The following PTPRG variants were observed in gnomAD, a reference collection of about 807,000 sequenced individuals.
The protein encoded by PTPRG is receptor-type tyrosine-protein phosphatase gamma.
PTPRG carries 102 observed loss-of-function variants against 165.3 expected under a neutral mutation model. That is an observed-to-expected ratio of 0.62 (90% confidence interval 0.53 to 0.73). The LOEUF (loss-of-function observed/expected upper bound fraction) is 0.73, where lower values mean the gene tolerates loss of function less well. Among genes scored for constraint, PTPRG ranks in the 30% least tolerant of loss-of-function variants. PTPRG has a pLI of 0.00. For synonymous variants in PTPRG, 675 were observed against 669.5 expected (o/e 1.01, Z -0.13); for missense variants, 1,866 against 1,861.4 (o/e 1.00, Z -0.05).
At chr3:61,865,699 C>A (rs1312750060) in intron 2 of PTPRG, among the ~76,000 whole-genome samples, 1 of 152,178 alleles carries the variant, frequency 6.6e-6, no homozygotes, top group Non-Finnish European at 1.5e-5. Flanking sequence ...CCTTTGTCTT[C>A]TCATTGGCCA....
chr3:61,945,875 C>T (rs1458964860), intron 2 of PTPRG, among the ~76,000 whole-genome samples: 1 of 152,140 alleles, frequency 6.6e-6, no homozygotes, highest in East Asian at 1.9e-4. Context: ...ATTTCTGTCC[C>T]ATTAGGTGAG....
intron 8 of PTPRG, among the ~76,000 whole-genome samples, chr3:62,186,824 C>T (rs576358839): frequency 2.8e-4 from 42 of 152,206 alleles, no homozygotes; most frequent in African/African-American, 9.6e-4. Context: ...ACCATGGCCT[C>T]CCAAAGTGTT....
chr3:62,168,057 G>A lies in PTPRG; in HGVS notation c.927G>A (p.Gln309=). 1 of 1,613,928 alleles carries A rather than the reference G, an allele frequency of 6.2e-7. No individual in the cohort carries two copies. The highest frequency in any genetic ancestry group is 1.7e-5 in the Admixed American group (1 of 60,008). ...ATCTGAGAAATAACTTTCGACCACAGCAGCGTCTGCATGACAGGGTGGTGT... is the reference window on the plus strand; with the variant it reads ...ATCTGAGAAATAACTTTCGACCACAACAGCGTCTGCATGACAGGGTGGTGT... The part of the protein sequence containing the change: ...VEYLRNNFRP[Q]QRLHDRVVSK... Residue 309 remains glutamine (Q), a synonymous_variant, in exon 8 of 30, where the codon CAG becomes CAA. Coordinates refer to ENST00000474889, the MANE Select transcript of PTPRG (RefSeq NM_002841.4).
intron 6 of PTPRG, among the ~76,000 whole-genome samples, chr3:62,141,690 A>G (rs2886719): frequency 0.013 from 1,937 of 151,892 alleles, 48 homozygotes; most frequent in African/African-American, 0.045. Context: ...CCTTCAGGTC[A>G]GGAGTTCGAG....
intron 2 of PTPRG, among the ~76,000 whole-genome samples, chr3:61,858,372 A>T (rs2037172217): frequency 6.6e-6 from 1 of 152,176 alleles, no homozygotes; most frequent in South Asian, 2.1e-4. Flanking sequence ...TATTTCTCTT[A>T]AAAAAGCATA....
intron 2 of PTPRG, among the ~76,000 whole-genome samples, chr3:61,880,943 C>T (rs2037871652): frequency 7.6e-6 from 1 of 131,094 alleles, no homozygotes; most frequent in South Asian, 2.6e-4. Context: ...CCATGCTATG[C>T]TGTCTTTTTT....
chr3:61,893,837 A>G (rs2038280279), intron 2 of PTPRG, among the ~76,000 whole-genome samples: 1 of 151,968 alleles, frequency 6.6e-6, no homozygotes. Flanking sequence ...TATGCAAACA[A>G]CTCTTAAAGG....
chr3:61,942,849 C>A (rs2107609142), intron 2 of PTPRG, among the ~76,000 whole-genome samples: 1 of 152,314 alleles, frequency 6.6e-6, no homozygotes, highest in Non-Finnish European at 1.5e-5. Flanking sequence ...AGCAAACTTC[C>A]TTCCCAAACA....
intron 2 of PTPRG, among the ~76,000 whole-genome samples, chr3:61,773,897 C>T (rs939063803): frequency 6.6e-6 from 1 of 152,022 alleles, no homozygotes; most frequent in Admixed American, 6.6e-5. Flanking sequence ...GCCTCAGCCT[C>T]CCAACTAGCT....
intron 6 of PTPRG, 96 bp from the exon 7 acceptor site, chr3:62,156,971 A>G (rs1303758269): frequency 1.8e-6 from 2 of 1,108,294 alleles, no homozygotes; most frequent in Non-Finnish European, 2.7e-6. Context: ...AAGGCTTGCG[A>G]TGTGGCACCA....
chr3:62,168,160 A>G lies in PTPRG; in HGVS notation c.1030A>G (p.Lys344Glu), dbSNP rs773939523. The change falls in exon 8 of 30, where the codon AAA becomes GAA. Residue 344 changes from lysine to glutamate, a missense_variant. Coordinates refer to ENST00000474889, the MANE Select transcript of PTPRG (RefSeq NM_002841.4). ...LENPLGTEAS[K>E]VCSSPPIHMK... ...AAACCCACTGGGGACAGAAGCCTCT[A>G]AAGGTATATTTGGCTTAAGTGCCTT... The G allele has an allele frequency of 1.9e-6, 3 of 1,612,138 alleles. No homozygotes were observed. The South Asian group carries it at 3.3e-5, about 18-fold the overall frequency.
chr3:61,653,903 G>GAGGT (rs1553644926), intron 1 of PTPRG, among the ~76,000 whole-genome samples: 7 of 137,826 alleles, frequency 5.1e-5, no homozygotes, highest in Admixed American at 3.7e-4. Flanking sequence ...GAGCGGTGGG[G>GAGGT]GGCGCGGGGA....
chr3:62,282,011 G>A (rs1284149310), intron 27 of PTPRG, among the ~76,000 whole-genome samples: 8 of 151,978 alleles, frequency 5.3e-5, no homozygotes, highest in Admixed American at 2.6e-4. Flanking sequence ...GCTTTGCAAT[G>A]TGTTGCACAG....
At chr3:62,267,584 C>A in intron 18 of PTPRG, 92 bp downstream of exon 18, 2 of 1,526,406 alleles carry the variant, frequency 1.3e-6, no homozygotes, top group South Asian at 1.2e-5. Context: ...ACAGAGCTTT[C>A]ACTAAAAACA....
chr3:62,281,555 T>G lies in PTPRG; in HGVS notation c.3766-8T>G. 3 of 1,504,896 alleles carry G rather than the reference T, an allele frequency of 2.0e-6. No individual in the cohort carries two copies. Among genetic ancestry groups the G allele is most frequent in the Non-Finnish European group, 8.9e-7 (1 of 1,125,484 alleles). 93.2% of individuals were successfully genotyped at this position (1,504,896 alleles called of 1,614,324 possible). On this transcript the variant is annotated splice_region_variant and splice_polypyrimidine_tract_variant and intron_variant, in intron 26 of 29. Coordinates refer to ENST00000474889, the MANE Select transcript of PTPRG (RefSeq NM_002841.4). ...TGCAGAGGCTTTTTTTTTTTTTGGATTCCAAAGGCAGAAGATGAGTTTGTG... is the reference window on the plus strand; with the variant it reads ...TGCAGAGGCTTTTTTTTTTTTTGGAGTCCAAAGGCAGAAGATGAGTTTGTG...
At chr3:62,191,415 T>C in intron 8 of PTPRG, 54 bp from the exon 9 acceptor site, 1 of 1,559,430 alleles carries the variant, frequency 6.4e-7, no homozygotes, top group East Asian at 2.3e-5. Flanking sequence ...GGGGCACGGA[T>C]TGAATGGCGC....
chr3:61,671,115 TCTC>T (rs1702968416), intron 1 of PTPRG, among the ~76,000 whole-genome samples: 2 of 151,404 alleles, frequency 1.3e-5, no homozygotes, highest in African/African-American at 4.9e-5. Context: ...TCTTAGGACT[TCTC>T]CTGATACTGT....
intron 2 of PTPRG, among the ~76,000 whole-genome samples, chr3:61,888,202 T>C (rs2038104366): frequency 8.7e-6 from 1 of 115,106 alleles, no homozygotes; most frequent in Non-Finnish European, 1.9e-5. Flanking sequence ...TAAATCTTTG[T>C]GTGTGTGTGT....
At chr3:61,997,257 C>T (rs888782356) in intron 3 of PTPRG, among the ~76,000 whole-genome samples, 3 of 152,166 alleles carry the variant, frequency 2.0e-5, no homozygotes, top group East Asian at 1.9e-4. Flanking sequence ...CCTCCCAGGC[C>T]TTCTCCACAG....
Sources: allele counts gnomAD v4.1 joint callset (sites outside exome capture counted in the v4.1 genomes callset), GRCh38; gene constraint gnomAD v4.1.1; transcripts MANE v1.5; gene names NCBI Gene and HGNC (gene_info 2026-07-23, HGNC 2026-07-21).